The following CBFB variants were observed in gnomAD, a reference collection of about 807,000 sequenced individuals.
CBFB encodes the protein CBF-beta.
A neutral mutation model predicts 30.4 loss-of-function variants in CBFB; 9 were observed. The ratio of observed to expected loss-of-function variants is 0.30; its 90% confidence interval spans 0.18 to 0.52. The LOEUF (loss-of-function observed/expected upper bound fraction) is 0.52, where lower values mean the gene tolerates loss of function less well. Among genes scored for constraint, CBFB ranks in the 20% least tolerant of loss-of-function variants. The probability of loss-of-function intolerance (pLI) is 0.97; values close to 1 mark genes in which losing one functional copy is unlikely to be tolerated. For synonymous variants in CBFB, 94 were observed against 84.0 expected (o/e 1.12, Z -0.65); for missense variants, 170 against 244.0 (o/e 0.70, Z 2.02).
intron 5 of CBFB, among the ~76,000 whole-genome samples, chr16:67,090,928 G>A (rs565380515): frequency 1.9e-4 from 29 of 152,126 alleles, no homozygotes; most frequent in African/African-American, 6.7e-4. Flanking sequence ...TGTGGTCCAA[G>A]AAAAAAATCT....
intron 5 of CBFB, among the ~76,000 whole-genome samples, chr16:67,086,537 C>T (rs1216092168): frequency 2.0e-5 from 3 of 152,198 alleles, no homozygotes; most frequent in African/African-American, 7.2e-5. Flanking sequence ...CCTTTGTACA[C>T]TGCTTAGTTG....
rs371927601 is a variant in CBFB at position 67,030,220 on chromosome 16, TTC to T, written c.165+411_165+412del. ...TCTTAGAAGGTAGATCTGTCGGTAA[TTC>T]TCTGTGTCAAGCGGTCTCACTACCA... On this transcript the variant is annotated intron_variant, in intron 2 of 5. Coordinates refer to ENST00000412916, the MANE Select transcript of CBFB (RefSeq NM_022845.3). 2.0e-3 allele frequency: 330 copies of T among 167,822 alleles called. 1 individual carries two copies. Among genetic ancestry groups the T allele is most frequent in the African/African-American group, 7.1e-3 (297 of 41,868 alleles). The allele number at this position is 167,822 out of a possible 1,614,324, so 10.4% of individuals were successfully genotyped here.
intron 3 of CBFB, among the ~76,000 whole-genome samples, chr16:67,053,648 G>A (rs1960628331): frequency 6.6e-6 from 1 of 151,824 alleles, no homozygotes; most frequent in South Asian, 2.1e-4. Flanking sequence ...AATTTTTAGA[G>A]CCTCCCTGGG....
At chr16:67,034,665 T>TA (rs1432760656) in intron 2 of CBFB, among the ~76,000 whole-genome samples, 15 of 152,234 alleles carry the variant, frequency 9.9e-5, no homozygotes, top group African/African-American at 3.1e-4. Flanking sequence ...GATGAGGTAA[T>TA]ACGATCTGCA....
chr16:67,058,393 A>G (rs934127990), intron 3 of CBFB, among the ~76,000 whole-genome samples: 6 of 152,138 alleles, frequency 3.9e-5, no homozygotes, highest in Non-Finnish European at 7.4e-5. Flanking sequence ...CACCCACCTC[A>G]GCCTTCCAAA....
At chr16:67,066,015 AC>A (rs1961040661) in intron 3 of CBFB, among the ~76,000 whole-genome samples, 2 of 152,326 alleles carry the variant, frequency 1.3e-5, no homozygotes, top group South Asian at 2.1e-4. Flanking sequence ...TAAATATTAT[AC>A]CAGTTAAAGT....
At position 67,048,250 on chromosome 16, in the gene CBFB, C is replaced by T. The variant is rs372217465; in HGVS notation, c.282+11495C>T. 3.3e-5 allele frequency among the ~76,000 whole-genome samples: 5 copies of T among 150,482 alleles called. No individual in the cohort carries two copies. The East Asian group carries it at 5.8e-4, about 18-fold the overall frequency. Reference sequence around the variant, plus strand: ...GAGCAAGGCTCCATCTCCAAACAAACAAATAACAAAAAAAACCCCTAAAAC... The same window carrying T: ...GAGCAAGGCTCCATCTCCAAACAAATAAATAACAAAAAAAACCCCTAAAAC... On this transcript the variant is annotated intron_variant, in intron 3 of 5. Transcript: ENST00000412916.
chr16:67,075,197 A>ATGTGTGTG lies in CBFB; in HGVS notation c.400-6986_400-6979dup, dbSNP rs57425666. Among the ~76,000 whole-genome samples the ATGTGTGTG allele has an allele frequency of 1.5e-4, 22 of 142,662 alleles. 1 individual carries two copies. The highest frequency in any genetic ancestry group is 1.2e-3 in the Admixed American group (17 of 13,900). The allele number at this position is 142,662 out of a possible 152,430, so 93.6% of individuals were successfully genotyped here. ...AGAGCGAGATTCTATCTCAAAAAAA[A>ATGTGTGTG]TGTGTGTGTGTGTGTGTGTGTGTGT... On this transcript the variant is annotated intron_variant, in intron 4 of 5. Transcript: ENST00000412916.
intron 4 of CBFB, among the ~76,000 whole-genome samples, chr16:67,079,965 A>T (rs1294746948): frequency 6.6e-6 from 1 of 152,098 alleles, no homozygotes; most frequent in Non-Finnish European, 1.5e-5. Context: ...GGGCATGATG[A>T]TGCTCACCTG....
chr16:67,032,493 A>T (rs1180143224), intron 2 of CBFB, among the ~76,000 whole-genome samples: 1 of 152,192 alleles, frequency 6.6e-6, no homozygotes, highest in African/African-American at 2.4e-5. Flanking sequence ...GAGGAATTTC[A>T]CGTTTCCTAG....
chr16:67,048,995 A>G (rs984898213), intron 3 of CBFB, among the ~76,000 whole-genome samples: 34 of 149,760 alleles, frequency 2.3e-4, no homozygotes, highest in African/African-American at 8.1e-4. Context: ...AATTTTTTGT[A>G]TTTTTAGTAG....
intron 3 of CBFB, among the ~76,000 whole-genome samples, chr16:67,058,687 T>C (rs149757272): frequency 3.3e-4 from 50 of 152,312 alleles, no homozygotes; most frequent in African/African-American, 1.2e-3. Context: ...AATTCTAGAT[T>C]CTAGCTGTTT....
intron 4 of CBFB, 159 bp from the exon 5 acceptor site, chr16:67,082,054 A>G (rs922227877): frequency 7.7e-6 from 3 of 387,372 alleles, no homozygotes; most frequent in Admixed American, 3.8e-5. Flanking sequence ...CCTGACCTCA[A>G]GTGATCTGCC....
At chr16:67,055,246 AATTT>A (rs1960680520) in intron 3 of CBFB, among the ~76,000 whole-genome samples, 2 of 151,810 alleles carry the variant, frequency 1.3e-5, no homozygotes, top group East Asian at 1.9e-4. Context: ...TGGAGGGTCT[AATTT>A]ATTCTTAACA....
rs575705580 is a variant in CBFB at position 67,056,342 on chromosome 16, G to A, written c.283-10340G>A. Reference sequence around the variant, plus strand: ...TGTTAGTGAATCAGCAATATATATTGAAGATGATGTCTGAACAGAAGCATA... The same window carrying A: ...TGTTAGTGAATCAGCAATATATATTAAAGATGATGTCTGAACAGAAGCATA... On this transcript the variant is annotated intron_variant, in intron 3 of 5. Coordinates refer to ENST00000412916, the MANE Select transcript of CBFB (RefSeq NM_022845.3). 2.0e-5 allele frequency among the ~76,000 whole-genome samples: 3 copies of A among 152,276 alleles called. No individual in the cohort carries two copies. In the South Asian group the frequency reaches 6.2e-4, roughly 32 times the overall value.
chr16:67,070,760 A>T (rs1359818398), intron 4 of CBFB, among the ~76,000 whole-genome samples: 1 of 152,020 alleles, frequency 6.6e-6, no homozygotes, highest in Non-Finnish European at 1.5e-5. Flanking sequence ...CTGAGGTGGG[A>T]TGATTGCTTG....
intron 3 of CBFB, among the ~76,000 whole-genome samples, chr16:67,042,199 C>T (rs1366171204): frequency 6.6e-6 from 1 of 152,196 alleles, no homozygotes; most frequent in Non-Finnish European, 1.5e-5. Flanking sequence ...GCTGGGATTA[C>T]AGGCATGAGC....
chr16:67,033,801 A>C (rs1966396811), intron 2 of CBFB, among the ~76,000 whole-genome samples: 1 of 137,896 alleles, frequency 7.3e-6, no homozygotes, highest in African/African-American at 2.8e-5. Context: ...TTTTTAGTAG[A>C]GACAGAGTTT....
At chr16:67,057,421 A>G (rs528728555) in intron 3 of CBFB, among the ~76,000 whole-genome samples, 2 of 151,722 alleles carry the variant, frequency 1.3e-5, no homozygotes, top group Non-Finnish European at 2.9e-5. Context: ...TTGTAATAGA[A>G]TTTTTTTTTA....
Sources: gnomAD v4.1 joint callset for allele counts (sites outside exome capture counted in the v4.1 genomes callset) on GRCh38, gnomAD v4.1.1 for gene constraint, MANE v1.5 for transcripts, NCBI Gene and HGNC (gene_info 2026-07-23, HGNC 2026-07-21) for gene names.